PTPN13: variants seen among roughly 807,000 people sequenced by gnomAD.
The protein encoded by PTPN13 is protein tyrosine phosphatase non-receptor type 13, also known as tyrosine-protein phosphatase non-receptor type 13.
In PTPN13, 191 loss-of-function variants were observed where a neutral mutation model predicts 284.0. The ratio of observed to expected loss-of-function variants is 0.67; its 90% CI spans 0.60 to 0.76. The LOEUF (loss-of-function observed/expected upper bound fraction) is 0.76. Among genes scored for constraint, PTPN13 ranks in the 30% least tolerant of loss-of-function variants. PTPN13 has a pLI of 0.00. For synonymous variants in PTPN13, 986 were observed against 1,022.3 expected, an observed-to-expected ratio of 0.96 and a Z score of 0.68; for missense variants, 2,797 against 2,939.9, an observed-to-expected ratio of 0.95 and a Z score of 1.12.
At chr4:86,595,571 G>T in intron 1 of PTPN13, 1 of 156,842 alleles carries the variant, frequency 6.4e-6, no homozygotes, top group Non-Finnish European at 1.4e-5. Context: ...GGCCATACAC[G>T]TATATGATCG....
chr4:86,765,409 G>A lies in PTPN13; in HGVS notation c.4164G>A (p.Thr1388=), dbSNP rs777959938. The A allele has an allele frequency of 1.4e-5, 22 of 1,599,486 alleles. No homozygotes were observed. The highest frequency in any genetic ancestry group is 4.5e-5 in the South Asian group (4 of 88,238). ...TTTCTCTTTAGGGAGGTGTGAATAC[G>A]AGTGTCAGACATGGTGGCATTTATG... ...LGISVTGGVN[T]SVRHGGIYVK... Residue 1388 remains threonine, a synonymous_variant, in exon 26 of 48, where the codon ACG becomes ACA. Coordinates refer to ENST00000411767, the MANE Select transcript of PTPN13 (RefSeq NM_080683.3).
chr4:86,793,772 T>G (rs1331387790), intron 40 of PTPN13, among the ~76,000 whole-genome samples: 1 of 152,084 alleles, frequency 6.6e-6, no homozygotes, highest in Non-Finnish European at 1.5e-5. Context: ...TATAACAAAA[T>G]GAAGGCAGAA....
At chr4:86,659,403 T>C (rs1403994723) in intron 2 of PTPN13, among the ~76,000 whole-genome samples, 2 of 152,180 alleles carry the variant, frequency 1.3e-5, no homozygotes, top group Admixed American at 6.5e-5. Flanking sequence ...GTAATTTACA[T>C]ACCTAAGTTG....
chr4:86,712,701 G>T (rs1290870068), intron 7 of PTPN13, among the ~76,000 whole-genome samples: 1 of 151,934 alleles, frequency 6.6e-6, no homozygotes, highest in Non-Finnish European at 1.5e-5. Flanking sequence ...AGTATCATAA[G>T]GTAATAACCT....
intron 7 of PTPN13, among the ~76,000 whole-genome samples, chr4:86,708,313 G>A (rs1484483594): frequency 6.6e-6 from 1 of 152,060 alleles, no homozygotes; most frequent in Admixed American, 6.6e-5. Context: ...TTGGGAGATG[G>A]TGAGCAATAA....
intron 20 of PTPN13, among the ~76,000 whole-genome samples, chr4:86,757,075 T>C (rs1431007498): frequency 6.6e-6 from 1 of 152,172 alleles, no homozygotes; most frequent in Admixed American, 6.5e-5. Context: ...TTAAGAAGTG[T>C]GTGTTTGTGT....
At position 86,656,530 on chromosome 4, in the gene PTPN13, A is replaced by G. The variant is rs541139546; in HGVS notation, c.116-15835A>G. Among the ~76,000 whole-genome samples, 32 of 152,314 alleles carry G rather than the reference A, an allele frequency of 2.1e-4. No individual in the cohort carries two copies. The East Asian group carries it at 4.6e-3, about 22-fold the overall frequency. On this transcript the variant is annotated intron_variant, in intron 2 of 47. Coordinates refer to ENST00000411767, the MANE Select transcript of PTPN13 (RefSeq NM_080683.3). ...CACTCCAGACCCTGTTTGCCAGGGT[A>G]TCAGCAGCAGAGGCTGCAGAACAGC...
rs11940351 is a variant in PTPN13, at chr4:86,657,307, G to A, written c.116-15058G>A. 4.3e-3 allele frequency among the ~76,000 whole-genome samples: 651 copies of A among 152,292 alleles called. 2 individuals are homozygous for A. Among genetic ancestry groups the A allele is most frequent in the African/African-American group, 0.014 (602 of 41,570 alleles). On this transcript the variant is annotated intron_variant, in intron 2 of 47. Coordinates refer to ENST00000411767, the MANE Select transcript of PTPN13 (RefSeq NM_080683.3). ...TTGGAAATGTCTCTGCATTTTCTGCGTCGCTCACGCTGGGAGCTATAGACT... is the reference window on the plus strand; with the variant it reads ...TTGGAAATGTCTCTGCATTTTCTGCATCGCTCACGCTGGGAGCTATAGACT...
rs1003287594 is a variant in PTPN13, at chr4:86,771,676, G to A, written c.5168+141G>A. 7 of 941,396 alleles carry A rather than the reference G, an allele frequency of 7.4e-6. No individual in the cohort carries two copies. The African/African-American group carries it at 1.2e-4, about 16-fold the overall frequency. 58.3% of individuals were successfully genotyped at this position (941,396 alleles called of 1,614,324 possible). ...TAGGCAGAGGATGACTCTATTGGAT[G>A]TCTAGCTATTGTGACTGATAGTTTT... On this transcript the variant is annotated intron_variant, in intron 31 of 47. Coordinates refer to ENST00000411767, the MANE Select transcript of PTPN13 (RefSeq NM_080683.3).
At chr4:86,662,980 T>C (rs1032875112) in intron 2 of PTPN13, among the ~76,000 whole-genome samples, 1 of 152,082 alleles carries the variant, frequency 6.6e-6, no homozygotes, top group Non-Finnish European at 1.5e-5. Flanking sequence ...GCACCACTGC[T>C]CTCCAGCCTG....
chr4:86,805,405 T>A, intron 44 of PTPN13, 36 bp downstream of exon 44: 1 of 1,338,796 alleles, frequency 7.5e-7, no homozygotes, highest in African/African-American at 1.5e-5. Context: ...TAATATGTGA[T>A]CAGTATAATA....
chr4:86,667,598 T>C (rs1398160748), intron 2 of PTPN13, among the ~76,000 whole-genome samples: 1 of 152,200 alleles, frequency 6.6e-6, no homozygotes, highest in Non-Finnish European at 1.5e-5. Flanking sequence ...ACCAGATTAT[T>C]GATTTAACAA....
At chr4:86,788,121 T>G (rs947207537) in intron 40 of PTPN13, among the ~76,000 whole-genome samples, 1 of 152,198 alleles carries the variant, frequency 6.6e-6, no homozygotes, top group Non-Finnish European at 1.5e-5. Context: ...AACAGGGATC[T>G]TAGATTAAAA....
intron 10 of PTPN13, among the ~76,000 whole-genome samples, chr4:86,731,193 A>G (rs1455212962): frequency 6.6e-6 from 1 of 152,158 alleles, no homozygotes; most frequent in East Asian, 1.9e-4. Flanking sequence ...ACACATACAC[A>G]CAGACCACTT....
rs370799962 is a variant in PTPN13, at chr4:86,740,478, G to A, written c.2305-1156G>A. ...ATAGCTGGAGTGGCTGGGACACAGG[G>A]CACCAAGTCCCTAGACTCTACACAG... On this transcript the variant is annotated intron_variant, in intron 15 of 47. Transcript: ENST00000411767. Among the ~76,000 whole-genome samples, 30 of 152,210 alleles carry A rather than the reference G, an allele frequency of 2.0e-4. No homozygotes were observed. The South Asian group carries it at 6.2e-3, about 32-fold the overall frequency.
intron 37 of PTPN13, among the ~76,000 whole-genome samples, chr4:86,782,730 A>G (rs2149311541): frequency 6.6e-6 from 1 of 152,346 alleles, no homozygotes; most frequent in South Asian, 2.1e-4. Context: ...CTTGCTTTTG[A>G]AAGACTTAGA....
chr4:86,672,830 C>G (rs1727858860), intron 3 of PTPN13, among the ~76,000 whole-genome samples: 1 of 152,130 alleles, frequency 6.6e-6, no homozygotes, highest in Non-Finnish European at 1.5e-5. Context: ...ATAGAAATAA[C>G]TGGAAAGTTG....
intron 43 of PTPN13, among the ~76,000 whole-genome samples, chr4:86,804,346 T>C (rs1470129444): frequency 6.6e-6 from 1 of 152,202 alleles, no homozygotes; most frequent in African/African-American, 2.4e-5. Context: ...AAGTTGACCT[T>C]GCCCCTCTTC....
chr4:86,689,714 C>T (rs752393193), intron 5 of PTPN13: 1 of 702,392 alleles, frequency 1.4e-6, no homozygotes, highest in South Asian at 1.5e-5. Flanking sequence ...CCAGATTTCC[C>T]CAAGACCTGG....
Sources: allele counts gnomAD v4.1 joint callset (sites outside exome capture counted in the v4.1 genomes callset), GRCh38; gene constraint gnomAD v4.1.1; transcripts MANE v1.5; gene names NCBI Gene and HGNC (gene_info 2026-07-23, HGNC 2026-07-21).